Variants in ADGRB3 observed in about 807,000 individuals in gnomAD.
The protein encoded by ADGRB3 is adhesion G protein-coupled receptor B3.
In ADGRB3, 37 loss-of-function variants were observed where a neutral mutation model predicts 193.4. The ratio of observed to expected loss-of-function variants is 0.19; its 90% CI spans 0.15 to 0.25. The LOEUF is 0.25. ADGRB3 is among the 10% of genes least tolerant of loss of function. The pLI, the probability that ADGRB3 is intolerant of heterozygous loss-of-function variation, is 1.00. For missense variants in ADGRB3, 1,637 were observed against 1,852.9 expected (o/e 0.88, Z 2.14); for synonymous variants, 690 against 644.2 (o/e 1.07, Z -1.08).
intron 9 of ADGRB3, among the ~76,000 whole-genome samples, 160 bp downstream of exon 9, chr6:68,975,024 G>A (rs45602231): frequency 0.083 from 12,680 of 152,190 alleles, 664 homozygotes; most frequent in Non-Finnish European, 0.12. Context: ...CATAAATGAA[G>A]CCAATGAAGA....
At chr6:69,259,501 C>T (rs1766866866) in intron 20 of ADGRB3, among the ~76,000 whole-genome samples, 1 of 151,996 alleles carries the variant, frequency 6.6e-6, no homozygotes, top group South Asian at 2.1e-4. Context: ...CGAGACCATC[C>T]TGGCTAACAC....
intron 28 of ADGRB3, among the ~76,000 whole-genome samples, chr6:69,356,784 G>A (rs928009543): frequency 1.4e-4 from 21 of 152,102 alleles, no homozygotes; most frequent in African/African-American, 4.6e-4. Flanking sequence ...TCTGCAGCAC[G>A]TCCTGTTTAG....
chr6:68,698,422 G>A (rs1765190577), intron 3 of ADGRB3, among the ~76,000 whole-genome samples: 1 of 151,876 alleles, frequency 6.6e-6, no homozygotes, highest in Non-Finnish European at 1.5e-5. Flanking sequence ...ATAAAGAATG[G>A]GAATGAGTTT....
chr6:68,874,936 G>A (rs1387492339), intron 3 of ADGRB3, among the ~76,000 whole-genome samples: 1 of 152,314 alleles, frequency 6.6e-6, no homozygotes, highest in Non-Finnish European at 1.5e-5. Flanking sequence ...TGCTCTGGGT[G>A]CAGATAGCTG....
intron 3 of ADGRB3, among the ~76,000 whole-genome samples, chr6:68,650,971 T>C (rs746177332): frequency 3.9e-5 from 6 of 152,324 alleles, no homozygotes; most frequent in African/African-American, 1.2e-4. Flanking sequence ...ATACTTCTTA[T>C]GTTTACTACT....
intron 3 of ADGRB3, among the ~76,000 whole-genome samples, chr6:68,739,516 G>A (rs1433206946): frequency 1.3e-5 from 2 of 152,144 alleles, no homozygotes; most frequent in East Asian, 3.9e-4. Flanking sequence ...CAGAATGAAG[G>A]GAGATGAGAG....
At chr6:69,118,749 G>A (rs201676213) in intron 17 of ADGRB3, among the ~76,000 whole-genome samples, 2 of 149,952 alleles carry the variant, frequency 1.3e-5, no homozygotes, top group African/African-American at 4.9e-5. Flanking sequence ...CTGCTTTACA[G>A]AAAAAAAAAA....
chr6:68,779,355 C>T (rs950911208), intron 3 of ADGRB3, among the ~76,000 whole-genome samples: 1 of 151,480 alleles, frequency 6.6e-6, no homozygotes, highest in Non-Finnish European at 1.5e-5. Flanking sequence ...CTCATTCTCC[C>T]CACAAACATG....
rs1358674293 is a variant in ADGRB3, at chr6:68,666,930, T to C, written c.757+27498T>C. 2.6e-5 allele frequency among the ~76,000 whole-genome samples: 4 copies of C among 151,782 alleles called. No homozygotes were observed. The East Asian group carries it at 7.8e-4, about 30-fold the overall frequency. The stretch of plus-strand genomic sequence containing the variant: ...AAAAAGTATCATATCCAAATTAATG[T>C]GGTTATTTTTAGTTCTCTACAAATA... On this transcript the variant is annotated intron_variant, in intron 3 of 31. Transcript: ENST00000370598.
intron 3 of ADGRB3, among the ~76,000 whole-genome samples, chr6:68,886,713 T>C (rs970004585): frequency 1.3e-5 from 2 of 152,066 alleles, no homozygotes; most frequent in Admixed American, 1.3e-4. Flanking sequence ...AACATTCAAA[T>C]AGAACCATTG....
At chr6:68,876,694 A>T (rs1765603934) in intron 3 of ADGRB3, among the ~76,000 whole-genome samples, 1 of 152,186 alleles carries the variant, frequency 6.6e-6, no homozygotes, top group South Asian at 2.1e-4. Context: ...GATGTACCAA[A>T]AGCAACATTT....
chr6:68,904,148 AG>A (rs1372395641), intron 3 of ADGRB3, among the ~76,000 whole-genome samples: 4 of 149,598 alleles, frequency 2.7e-5, no homozygotes, highest in Non-Finnish European at 6.0e-5. Flanking sequence ...GAAGGGTGAA[AG>A]GGAGGTATTT....
intron 3 of ADGRB3, among the ~76,000 whole-genome samples, chr6:68,927,914 TA>T (rs1767227235): frequency 6.6e-6 from 1 of 152,160 alleles, no homozygotes; most frequent in African/African-American, 2.4e-5. Context: ...TCTGATTATG[TA>T]ATAAGTTTGT....
intron 3 of ADGRB3, among the ~76,000 whole-genome samples, chr6:68,781,968 T>A (rs146712443): frequency 5.9e-5 from 9 of 152,210 alleles, no homozygotes; most frequent in East Asian, 5.8e-4. Flanking sequence ...TATACTCTTT[T>A]TTTTATTTTA....
chr6:69,301,386 T>C (rs954424070), intron 20 of ADGRB3, among the ~76,000 whole-genome samples: 14 of 151,830 alleles, frequency 9.2e-5, no homozygotes, highest in Non-Finnish European at 1.6e-4. Flanking sequence ...CATAGCCACC[T>C]CCTGTTGCTG....
intron 3 of ADGRB3, among the ~76,000 whole-genome samples, chr6:68,718,273 C>T (rs77036802): frequency 5.4e-4 from 82 of 151,734 alleles, no homozygotes; most frequent in African/African-American, 1.8e-3. Context: ...TTAAGCCCTA[C>T]GACAGATCTA....
intron 10 of ADGRB3, among the ~76,000 whole-genome samples, chr6:68,989,104 A>G (rs1309213812): frequency 1.3e-5 from 2 of 152,192 alleles, no homozygotes; most frequent in African/African-American, 4.8e-5. Context: ...CCCATTGAAT[A>G]TAAGTTTACA....
At position 68,825,990 on chromosome 6, in the gene ADGRB3, ATT is replaced by A. The variant is rs111470081; in HGVS notation, c.758-104558_758-104557del. Among the ~76,000 whole-genome samples, 180 of 145,392 alleles carry A rather than the reference ATT, an allele frequency of 1.2e-3. 1 individual carries two copies. The highest frequency in any genetic ancestry group is 3.3e-3 in the African/African-American group (132 of 40,012). On this transcript the variant is annotated intron_variant, in intron 3 of 31. Transcript: ENST00000370598. ...CACTCTGGTGTTCAGTTTCCTCCCCATTTTTTTTTTTTGTACCTGAAAATATT... is the reference window on the plus strand; with the variant it reads ...CACTCTGGTGTTCAGTTTCCTCCCCATTTTTTTTTTGTACCTGAAAATATT...
At chr6:69,143,327 C>A (rs1280375964) in intron 17 of ADGRB3, among the ~76,000 whole-genome samples, 1 of 151,650 alleles carries the variant, frequency 6.6e-6, no homozygotes, top group Non-Finnish European at 1.5e-5. Context: ...TTCTCTCATT[C>A]TTTGGGTTGT....
Sources: gnomAD v4.1 joint callset for allele counts (sites outside exome capture counted in the v4.1 genomes callset) on GRCh38, gnomAD v4.1.1 for gene constraint, MANE v1.5 for transcripts, NCBI Gene and HGNC (gene_info 2026-07-23, HGNC 2026-07-21) for gene names.